The following RUNDC3B variants were observed in gnomAD, a reference collection of about 807,000 sequenced individuals.
RUNDC3B encodes the protein RUN domain containing 3B, also known as RUN domain-containing protein 3B.
RUNDC3B carries 33 observed loss-of-function variants against 58.4 expected under a neutral mutation model. The observed-to-expected ratio is 0.56, with a 90% CI of 0.43 to 0.75. The LOEUF is 0.75. RUNDC3B is among the 30% of genes least tolerant of loss of function. RUNDC3B has a pLI of 0.00. For synonymous variants in RUNDC3B, 193 were observed against 195.2 expected (o/e 0.99, Z 0.10); for missense variants, 501 against 535.7 (o/e 0.94, Z 0.64).
intron 8 of RUNDC3B, among the ~76,000 whole-genome samples, chr7:87,795,640 G>A (rs1054330363): frequency 2.0e-5 from 3 of 151,640 alleles, no homozygotes; most frequent in Non-Finnish European, 4.4e-5. Flanking sequence ...CACTTTAGGA[G>A]TCCAAGGCAA....
At chr7:87,797,552 T>C (rs1835883170) in intron 8 of RUNDC3B, among the ~76,000 whole-genome samples, 1 of 152,140 alleles carries the variant, frequency 6.6e-6, no homozygotes, top group African/African-American at 2.4e-5. Context: ...ATGGCTTAAT[T>C]GGGTGAGCAT....
At chr7:87,802,732 T>C (rs1283402689) in intron 8 of RUNDC3B, among the ~76,000 whole-genome samples, 1 of 151,870 alleles carries the variant, frequency 6.6e-6, no homozygotes, top group East Asian at 1.9e-4. Context: ...AGGCAAGGCA[T>C]AGTGGCTCAC....
At chr7:87,716,721 T>C (rs771517329) in intron 4 of RUNDC3B, among the ~76,000 whole-genome samples, 23 of 152,222 alleles carry the variant, frequency 1.5e-4, no homozygotes, top group Non-Finnish European at 2.9e-4. Context: ...GTGAAGGCTA[T>C]ATACAGCTGT....
intron 10 of RUNDC3B, among the ~76,000 whole-genome samples, chr7:87,819,705 A>G (rs1837303424): frequency 6.6e-6 from 1 of 152,256 alleles, no homozygotes; most frequent in Non-Finnish European, 1.5e-5. Context: ...CCACAGTGCA[A>G]TCAAACTAGA....
chr7:87,754,172 C>G (rs1833212607), intron 6 of RUNDC3B, among the ~76,000 whole-genome samples: 1 of 152,146 alleles, frequency 6.6e-6, no homozygotes, highest in South Asian at 2.1e-4. Context: ...TACTCTGAAA[C>G]TGACCACATA....
chr7:87,643,993 G>C (rs745391241), intron 1 of RUNDC3B, among the ~76,000 whole-genome samples: 31 of 152,280 alleles, frequency 2.0e-4, no homozygotes, highest in Non-Finnish European at 4.3e-4. Context: ...TGAGTAGCTG[G>C]GACTACAAGT....
chr7:87,683,603 A>G (rs1827153050), intron 2 of RUNDC3B, among the ~76,000 whole-genome samples: 1 of 152,206 alleles, frequency 6.6e-6, no homozygotes, highest in Non-Finnish European at 1.5e-5. Context: ...ACACACATTT[A>G]TCAATTAAGC....
intron 6 of RUNDC3B, among the ~76,000 whole-genome samples, chr7:87,759,452 A>G (rs1833556472): frequency 6.6e-6 from 1 of 152,094 alleles, no homozygotes; most frequent in South Asian, 2.1e-4. Flanking sequence ...AATTTATTGT[A>G]TATTTTAAAA....
intron 4 of RUNDC3B, among the ~76,000 whole-genome samples, chr7:87,738,403 A>G (rs1434324577): frequency 1.3e-5 from 2 of 151,984 alleles, no homozygotes; most frequent in African/African-American, 4.8e-5. Flanking sequence ...CTCCTTTTAT[A>G]TAAATCAGTA....
At chr7:87,735,484 G>T (rs1393568503) in intron 4 of RUNDC3B, among the ~76,000 whole-genome samples, 3 of 152,130 alleles carry the variant, frequency 2.0e-5, no homozygotes, top group African/African-American at 7.2e-5. Flanking sequence ...TAGCCAGAAG[G>T]CTCTGTGGCT....
intron 4 of RUNDC3B, among the ~76,000 whole-genome samples, chr7:87,711,988 T>C (rs903412933): frequency 1.3e-5 from 2 of 152,208 alleles, no homozygotes; most frequent in Admixed American, 1.3e-4. Context: ...ATACAGGGTT[T>C]GACATTCTGG....
At chr7:87,789,138 T>C (rs546901922) in intron 8 of RUNDC3B, among the ~76,000 whole-genome samples, 31 of 152,336 alleles carry the variant, frequency 2.0e-4, no homozygotes, top group African/African-American at 7.5e-4. Flanking sequence ...ACCTCAGGAA[T>C]AAATAGCCAC....
intron 2 of RUNDC3B, among the ~76,000 whole-genome samples, chr7:87,671,656 G>A (rs1030100868): frequency 2.0e-5 from 3 of 152,222 alleles, no homozygotes; most frequent in Middle Eastern, 3.4e-3. Flanking sequence ...TGTAAGAGGT[G>A]GGTAGAGACC....
At chr7:87,673,019 C>T (rs1825987462) in intron 2 of RUNDC3B, among the ~76,000 whole-genome samples, 1 of 152,206 alleles carries the variant, frequency 6.6e-6, no homozygotes, top group Admixed American at 6.5e-5. Flanking sequence ...AATTCCTTTT[C>T]TATAAGAATG....
At chr7:87,771,486 C>T (rs1410334805) in intron 7 of RUNDC3B, among the ~76,000 whole-genome samples, 3 of 152,034 alleles carry the variant, frequency 2.0e-5, no homozygotes, top group Non-Finnish European at 2.9e-5. Context: ...CTTGTGGTAC[C>T]AGCAAGAATT....
intron 6 of RUNDC3B, among the ~76,000 whole-genome samples, chr7:87,744,980 G>C (rs925580265): frequency 6.6e-6 from 1 of 152,086 alleles, no homozygotes; most frequent in African/African-American, 2.4e-5. Flanking sequence ...TTACATCAAG[G>C]TAGGTCCCTT....
chr7:87,807,581 T>A, intron 9 of RUNDC3B, 62 bp downstream of exon 9: 1 of 1,215,878 alleles, frequency 8.2e-7, no homozygotes, highest in South Asian at 1.2e-5. Flanking sequence ...CATATGGCTA[T>A]CTACTTTGGT....
chr7:87,781,528 G>A (rs974377700), intron 8 of RUNDC3B, among the ~76,000 whole-genome samples: 2 of 152,034 alleles, frequency 1.3e-5, no homozygotes, highest in African/African-American at 4.8e-5. Context: ...ATGTTGAATA[G>A]GAGTGGCCAG....
intron 6 of RUNDC3B, among the ~76,000 whole-genome samples, chr7:87,767,540 C>T (rs948712684): frequency 6.6e-5 from 10 of 152,208 alleles, no homozygotes; most frequent in African/African-American, 1.7e-4. Flanking sequence ...TCACTATCTT[C>T]TGCAAGGCTG....
Sources: gnomAD v4.1 joint callset for allele counts (sites outside exome capture counted in the v4.1 genomes callset) on GRCh38, gnomAD v4.1.1 for gene constraint, MANE v1.5 for transcripts, NCBI Gene and HGNC (gene_info 2026-07-23, HGNC 2026-07-21) for gene names.